The following DOK5 variants were observed in gnomAD, a reference collection of about 807,000 sequenced individuals.
DOK5 encodes docking protein 5, also known as downstream of tyrosine kinase 5.
Under a neutral mutation model 43.3 loss-of-function variants are expected in DOK5, and 27 were observed. That is an observed-to-expected ratio of 0.62 (90% confidence interval 0.46 to 0.86). DOK5 has a LOEUF of 0.86. DOK5 is among the 40% of genes least tolerant of loss of function. The pLI, the probability that DOK5 is intolerant of heterozygous loss-of-function variation, is 0.00. For missense variants in DOK5, 373 were observed against 392.9 expected (o/e 0.95, Z 0.43); for synonymous variants, 146 against 140.1 (o/e 1.04, Z -0.30).
At chr20:54,634,809 G>A (rs143470313) in intron 6 of DOK5, among the ~76,000 whole-genome samples, 8 of 150,886 alleles carry the variant, frequency 5.3e-5, no homozygotes, top group Non-Finnish European at 1.0e-4. Context: ...CATACCACAC[G>A]TACCATACCA....
intron 7 of DOK5, 39 bp downstream of exon 7, chr20:54,643,617 G>A (rs370242549): frequency 8.2e-6 from 13 of 1,593,376 alleles, no homozygotes; most frequent in African/African-American, 4.0e-5. Context: ...TGTGGGCCAG[G>A]CCTGGGAGTA....
In DOK5 at chr20:54,650,430, T is replaced by A. The variant is rs1979643362; in HGVS notation, c.872T>A (p.Leu291Gln). The A allele has an allele frequency of 1.2e-6, 2 of 1,614,112 alleles. No individual in the cohort carries two copies. Among genetic ancestry groups the A allele is most frequent in the Admixed American group, 1.7e-5 (1 of 60,028 alleles). The change falls in exon 8 of 8, where the codon CTG becomes CAG. Residue 291 changes from leucine to glutamine, a missense_variant. Transcript: ENST00000262593. The stretch of plus-strand genomic sequence containing the variant: ...TTTGGAAAAGATGTTTCCAGCCCTC[T>A]GAAGCTTCATCGAACAGAGACTTTT... ...LYRLQDVSSP[L>Q]KLHRTETFPA...
chr20:54,619,066 T>A (rs1986907213), intron 6 of DOK5, among the ~76,000 whole-genome samples: 1 of 120,928 alleles, frequency 8.3e-6, no homozygotes, highest in African/African-American at 3.4e-5. Flanking sequence ...TATATATATA[T>A]ATATATATGA....
At chr20:54,648,818 G>A (rs957409095) in intron 7 of DOK5, among the ~76,000 whole-genome samples, 3 of 152,184 alleles carry the variant, frequency 2.0e-5, no homozygotes, top group African/African-American at 7.2e-5. Flanking sequence ...CCCCAAGGCC[G>A]TTGCACATGA....
chr20:54,632,995 C>T (rs546456704), intron 6 of DOK5, among the ~76,000 whole-genome samples: 3 of 152,156 alleles, frequency 2.0e-5, no homozygotes, highest in Non-Finnish European at 2.9e-5. Flanking sequence ...CGCTTGAACC[C>T]GGGAGGTAGA....
intron 5 of DOK5, among the ~76,000 whole-genome samples, chr20:54,595,234 G>A (rs1405978571): frequency 6.6e-6 from 1 of 152,100 alleles, no homozygotes; most frequent in South Asian, 2.1e-4. Flanking sequence ...CCAGCTACTC[G>A]GGAGGCTGAG....
intron 1 of DOK5, among the ~76,000 whole-genome samples, chr20:54,509,281 G>C (rs1404791844): frequency 1.3e-5 from 2 of 152,172 alleles, no homozygotes; most frequent in Non-Finnish European, 2.9e-5. Flanking sequence ...GCCTTAAACT[G>C]CTGGGCTCCA....
chr20:54,616,214 A>C (rs1178851658), intron 6 of DOK5, among the ~76,000 whole-genome samples: 2 of 152,226 alleles, frequency 1.3e-5, no homozygotes, highest in Non-Finnish European at 2.9e-5. Context: ...CCAAACCACC[A>C]GCTTAGAAGG....
chr20:54,497,399 T>A (rs1982443084), intron 1 of DOK5, among the ~76,000 whole-genome samples: 1 of 152,254 alleles, frequency 6.6e-6, no homozygotes. Context: ...TTTTGGAATA[T>A]CTAGTTCTGA....
intron 1 of DOK5, among the ~76,000 whole-genome samples, chr20:54,479,001 A>G (rs954470250): frequency 6.6e-6 from 1 of 152,042 alleles, no homozygotes; most frequent in Non-Finnish European, 1.5e-5. Context: ...ATGTGTGTGT[A>G]TTTTTATACA....
At chr20:54,518,041 ACTGTGCTGAGTACT>A (rs1214496604) in intron 1 of DOK5, among the ~76,000 whole-genome samples, 1 of 152,124 alleles carries the variant, frequency 6.6e-6, no homozygotes, top group Non-Finnish European at 1.5e-5. Context: ...TCTTGCCAGT[ACTGTGCTGAGTACT>A]CTACATGCAT....
chr20:54,616,906 C>T (rs1243398545), intron 6 of DOK5, among the ~76,000 whole-genome samples: 1 of 151,278 alleles, frequency 6.6e-6, no homozygotes, highest in Non-Finnish European at 1.5e-5. Context: ...TCTCCTGCCT[C>T]AGCCTCCCGA....
At chr20:54,563,434 G>A (rs1451064927) in intron 2 of DOK5, among the ~76,000 whole-genome samples, 2 of 152,042 alleles carry the variant, frequency 1.3e-5, no homozygotes, top group East Asian at 3.8e-4. Context: ...AAAGTTAATG[G>A]TTTGGCTCAT....
chr20:54,582,038 A>G (rs553253234), intron 2 of DOK5, among the ~76,000 whole-genome samples: 11 of 152,038 alleles, frequency 7.2e-5, no homozygotes, highest in Middle Eastern at 3.4e-3. Context: ...ATGTTGAAGT[A>G]ATTTTTTTCT....
At chr20:54,527,174 A>G (rs1983605934) in intron 1 of DOK5, among the ~76,000 whole-genome samples, 1 of 152,230 alleles carries the variant, frequency 6.6e-6, no homozygotes, top group African/African-American at 2.4e-5. Context: ...TGTTTGACCC[A>G]TATAATTGCA....
chr20:54,543,533 T>G (rs1886646299), intron 1 of DOK5, among the ~76,000 whole-genome samples: 1 of 150,048 alleles, frequency 6.7e-6, no homozygotes, highest in South Asian at 2.1e-4. Context: ...GATTATTCCC[T>G]AGAATTGCTG....
intron 5 of DOK5, among the ~76,000 whole-genome samples, chr20:54,604,838 T>G (rs182081733): frequency 1.3e-5 from 2 of 151,762 alleles, no homozygotes; most frequent in East Asian, 3.9e-4. Context: ...CCATCTCAAC[T>G]AAAAATATAA....
At chr20:54,616,104 C>G (rs536944927) in intron 6 of DOK5, among the ~76,000 whole-genome samples, 2 of 152,198 alleles carry the variant, frequency 1.3e-5, no homozygotes, top group South Asian at 4.2e-4. Flanking sequence ...ATAATAATAA[C>G]AAAACAAGAA....
At chr20:54,624,203 G>A (rs777932240) in intron 6 of DOK5, among the ~76,000 whole-genome samples, 2 of 152,214 alleles carry the variant, frequency 1.3e-5, no homozygotes, top group Non-Finnish European at 2.9e-5. Context: ...AATACATGGT[G>A]TAGGCGATTC....
Sources: allele counts gnomAD v4.1 joint callset (sites outside exome capture counted in the v4.1 genomes callset), GRCh38; gene constraint gnomAD v4.1.1; transcripts MANE v1.5; gene names NCBI Gene and HGNC (gene_info 2026-07-23, HGNC 2026-07-21).